CASK: variants seen among roughly 807,000 people sequenced by gnomAD.
CASK encodes the protein calcium/calmodulin dependent serine protein kinase.
A neutral mutation model predicts 82.9 loss-of-function variants in CASK; 4 were observed. That is an observed-to-expected ratio of 0.05 (90% confidence interval 0.02 to 0.11). The LOEUF (loss-of-function observed/expected upper bound fraction) is 0.11, where lower values mean the gene tolerates loss of function less well. CASK is among the 10% of genes least tolerant of loss of function. CASK has a pLI of 1.00. For missense variants in CASK, 358 were observed against 720.9 expected (o/e 0.50, Z 5.76); for synonymous variants, 259 against 253.5 (o/e 1.02, Z -0.20).
chrX:41,595,100 TA>T (rs765648202), intron 12 of CASK, among the ~76,000 whole-genome samples: 177 of 111,976 alleles, frequency 1.6e-3, no homozygotes, highest in African/African-American at 5.5e-3. Context: ...TAAATAGATT[TA>T]AAAAAAATTC....
At chrX:41,890,555 T>C (rs1195298798) in intron 1 of CASK, among the ~76,000 whole-genome samples, 1 of 112,021 alleles carries the variant, frequency 8.9e-6, no homozygotes, top group African/African-American at 3.3e-5. Context: ...CAGAAAAATG[T>C]AGGTGAATTT....
intron 3 of CASK, among the ~76,000 whole-genome samples, chrX:41,770,270 A>G (rs921244225): frequency 1.1e-5 from 1 of 93,943 alleles, no homozygotes; most frequent in Non-Finnish European, 2.1e-5. Flanking sequence ...CTATCTATCT[A>G]TCTATCTATC....
chrX:41,618,641 T>G (rs1184196586), intron 11 of CASK, among the ~76,000 whole-genome samples: 1 of 109,527 alleles, frequency 9.1e-6, no homozygotes, highest in Non-Finnish European at 1.9e-5. Flanking sequence ...AGAGGCTCAG[T>G]AGGGTTAAAT....
intron 8 of CASK, among the ~76,000 whole-genome samples, chrX:41,646,043 C>G (rs555936252): frequency 3.6e-4 from 40 of 111,220 alleles, no homozygotes; most frequent in East Asian, 8.4e-4. Context: ...ATAAATACCC[C>G]CCTCTGTGCC....
intron 14 of CASK, chrX:41,584,224 A>G (rs1453199738): frequency 8.9e-6 from 1 of 112,855 alleles, no homozygotes; most frequent in Non-Finnish European, 1.9e-5. Context: ...GATAACATCT[A>G]TTAGGCACTA....
chrX:41,602,058 G>C (rs1415430881), intron 12 of CASK, among the ~76,000 whole-genome samples: 1 of 112,107 alleles, frequency 8.9e-6, no homozygotes, highest in East Asian at 2.8e-4. Flanking sequence ...CTTATAGTAA[G>C]TTTTGAAATC....
At chrX:41,702,499 A>C (rs761596458) in intron 5 of CASK, among the ~76,000 whole-genome samples, 1 of 110,736 alleles carries the variant, frequency 9.0e-6, no homozygotes, top group Non-Finnish European at 1.9e-5. Flanking sequence ...TGTGATGCCA[A>C]AGAAACAAAA....
intron 14 of CASK, among the ~76,000 whole-genome samples, chrX:41,582,588 C>T (rs2065596971): frequency 8.9e-6 from 1 of 111,899 alleles, no homozygotes; most frequent in South Asian, 3.7e-4. Flanking sequence ...GCTGGGATTA[C>T]AGGCGTGAGC....
rs1314653657 is a variant in CASK at position 41,913,319 on chromosome X, G to C, written c.59+9611C>G. ...CATTTGTAACAAACCTGCACGTTGT[G>C]CACATGTACCCTAAAACTTAAAGTA... On this transcript the variant is annotated intron_variant, in intron 1 of 26. Coordinates refer to ENST00000378163, the MANE Select transcript of CASK (RefSeq NM_001367721.1). Among the ~76,000 whole-genome samples, 9 of 111,612 alleles carry C rather than the reference G, an allele frequency of 8.1e-5. No homozygotes were observed. The East Asian group carries it at 2.5e-3, about 31-fold the overall frequency.
At chrX:41,715,566 G>A (rs557030041) in intron 5 of CASK, among the ~76,000 whole-genome samples, 15 of 107,795 alleles carry the variant, frequency 1.4e-4, no homozygotes, top group East Asian at 2.9e-4. Context: ...AGGTTGCAGC[G>A]AGCCGAGATT....
intron 8 of CASK, among the ~76,000 whole-genome samples, chrX:41,642,041 C>T (rs2066666281): frequency 9.1e-6 from 1 of 110,241 alleles, no homozygotes; most frequent in African/African-American, 3.3e-5. Context: ...TGATGGTTTC[C>T]AGCTTCATCC....
intron 8 of CASK, among the ~76,000 whole-genome samples, chrX:41,644,233 G>T (rs1418529391): frequency 9.0e-6 from 1 of 111,699 alleles, no homozygotes; most frequent in Non-Finnish European, 1.9e-5. Flanking sequence ...GTTGCAGGAA[G>T]TCAGAGACCT....
At chrX:41,758,803 T>C (rs2068943821) in intron 3 of CASK, among the ~76,000 whole-genome samples, 1 of 112,369 alleles carries the variant, frequency 8.9e-6, no homozygotes, top group African/African-American at 3.2e-5. Context: ...ACCTTTTCAA[T>C]GGAGAAAGGG....
At chrX:41,616,606 C>CTTT (rs377377142) in intron 11 of CASK, among the ~76,000 whole-genome samples, 47 of 99,202 alleles carry the variant, frequency 4.7e-4, no homozygotes, top group African/African-American at 1.6e-3. Flanking sequence ...TAACCAAAAT[C>CTTT]TTTTTTTTTT....
intron 1 of CASK, among the ~76,000 whole-genome samples, chrX:41,908,557 A>G (rs2072509629): frequency 8.9e-6 from 1 of 112,075 alleles, no homozygotes; most frequent in Non-Finnish European, 1.9e-5. Flanking sequence ...CCAGCACACA[A>G]TCAGTGAGAA....
At chrX:41,696,875 G>T in intron 5 of CASK, 1 of 515,648 alleles carries the variant, frequency 1.9e-6, no homozygotes. Context: ...ACAAAACTCA[G>T]ATCTCAAAGC....
intron 8 of CASK, among the ~76,000 whole-genome samples, chrX:41,653,312 C>T (rs2066890267): frequency 8.9e-6 from 1 of 111,784 alleles, no homozygotes; most frequent in African/African-American, 3.3e-5. Context: ...CGTGGTCTTC[C>T]ATGGTTTGGA....
chrX:41,650,853 A>G (rs1402758643), intron 8 of CASK, among the ~76,000 whole-genome samples: 1 of 111,723 alleles, frequency 9.0e-6, no homozygotes, highest in African/African-American at 3.3e-5. Context: ...TGATTTATAA[A>G]TACACATGGA....
rs747033514 is a variant in CASK at position 41,790,832 on chromosome X, G to A, written c.173-3549C>T. On this transcript the variant is annotated intron_variant, in intron 2 of 26. Coordinates refer to ENST00000378163, the MANE Select transcript of CASK (RefSeq NM_001367721.1). ...ATTCCACGAATATTAAACTCAAAAT[G>A]TTTGTTTCTAAATATGAATGTGAAT... Among the ~76,000 whole-genome samples, 9 of 112,067 alleles carry A rather than the reference G, an allele frequency of 8.0e-5. No homozygotes were observed. In the South Asian group the frequency reaches 1.5e-3, roughly 18 times the overall value.
Sources: allele counts gnomAD v4.1 joint callset (sites outside exome capture counted in the v4.1 genomes callset), GRCh38; gene constraint gnomAD v4.1.1; transcripts MANE v1.5; gene names NCBI Gene and HGNC (gene_info 2026-07-23, HGNC 2026-07-21).